The following DMD variants were observed in gnomAD, a reference collection of about 807,000 sequenced individuals.
The protein encoded by DMD is mutant dystrophin.
DMD carries 63 observed loss-of-function variants against 330.1 expected under a neutral mutation model. The observed-to-expected ratio is 0.19, with a 90% confidence interval of 0.16 to 0.24. The LOEUF (loss-of-function observed/expected upper bound fraction) is 0.24, where lower values mean the gene tolerates loss of function less well. Ranked by LOEUF, DMD falls within the 10% of genes least tolerant of loss-of-function variation. The pLI, the probability that DMD is intolerant of heterozygous loss-of-function variation, is 1.00. For missense variants in DMD, 3,344 were observed against 2,684.1 expected, an observed-to-expected ratio of 1.25 and a Z score of -5.43; for synonymous variants, 1,223 against 959.8, an observed-to-expected ratio of 1.27 and a Z score of -5.07.
chrX:33,283,698 T>A (rs1211412958), intron 1 of DMD, among the ~76,000 whole-genome samples: 1 of 110,639 alleles, frequency 9.0e-6, no homozygotes, highest in East Asian at 2.9e-4. Flanking sequence ...AATATGTAGA[T>A]TGTATTTTAT....
chrX:31,889,309 A>G (rs957217262), intron 47 of DMD, among the ~76,000 whole-genome samples: 2 of 111,287 alleles, frequency 1.8e-5, no homozygotes, highest in African/African-American at 6.5e-5. Context: ...ATGGTCAAAG[A>G]ATACTTAATA....
chrX:32,328,483 A>C (rs2097662727), intron 41 of DMD, among the ~76,000 whole-genome samples: 1 of 111,504 alleles, frequency 9.0e-6, no homozygotes, highest in African/African-American at 3.3e-5. Flanking sequence ...ATGTTATTCC[A>C]GTGGATAACT....
intron 1 of DMD, among the ~76,000 whole-genome samples, chrX:33,207,254 G>A (rs764803887): frequency 9.0e-6 from 1 of 111,342 alleles, no homozygotes; most frequent in South Asian, 3.8e-4. Context: ...AAACAGAAAG[G>A]CTATGCCCTG....
At chrX:32,391,740 A>C (rs1199569827) in intron 30 of DMD, among the ~76,000 whole-genome samples, 1 of 111,825 alleles carries the variant, frequency 8.9e-6, no homozygotes, top group East Asian at 2.8e-4. Context: ...AACATCACAG[A>C]ATCTATAAAA....
In DMD at chrX:32,313,099, G is replaced by A. The variant is rs775619385; in HGVS notation, c.5923-2823C>T. ...CCTAACTCTTTTTATGAGGCCAGCAGCATCCTGATACCAAAACCTGGCAAA... is the reference window on the plus strand; with the variant it reads ...CCTAACTCTTTTTATGAGGCCAGCAACATCCTGATACCAAAACCTGGCAAA... On this transcript the variant is annotated intron_variant, in intron 41 of 78. Transcript: ENST00000357033. 3.7e-5 allele frequency among the ~76,000 whole-genome samples: 4 copies of A among 108,817 alleles called. No homozygotes were observed. In the South Asian group the frequency reaches 1.2e-3, roughly 34 times the overall value. 94.5% of individuals were successfully genotyped at this position (108,817 alleles called of 115,157 possible). A position where few individuals can be genotyped will look rare whatever the true frequency, so the allele number is the denominator to read the frequency against.
intron 34 of DMD, among the ~76,000 whole-genome samples, chrX:32,366,993 A>T (rs1405997012): frequency 8.9e-6 from 1 of 112,184 alleles, no homozygotes; most frequent in Non-Finnish European, 1.9e-5. Context: ...TTAGCAATTC[A>T]TAAAAGCAAT....
At chrX:31,717,470 C>G (rs940659244) in intron 52 of DMD, among the ~76,000 whole-genome samples, 1 of 112,139 alleles carries the variant, frequency 8.9e-6, no homozygotes, top group African/African-American at 3.2e-5. Context: ...AAACTCTGAG[C>G]AATTTACAAA....
At chrX:32,517,858 T>C (rs2046009025) in intron 18 of DMD, 150 bp downstream of exon 18, 3 of 648,717 alleles carry the variant, frequency 4.6e-6, no homozygotes, top group Non-Finnish European at 7.2e-6. Context: ...TTGATTTTGC[T>C]TGCTATCTAA....
At chrX:31,990,707 G>A (rs1359432826) in intron 44 of DMD, among the ~76,000 whole-genome samples, 1 of 111,827 alleles carries the variant, frequency 8.9e-6, no homozygotes, top group Non-Finnish European at 1.9e-5. Flanking sequence ...TTAAATATAC[G>A]AAAACATTAA....
Position 33,240,872 on chromosome X carries a change from C to CTG in DMD, c.7+98385_7+98386dup, listed in dbSNP as rs780230696. 2.8e-4 allele frequency among the ~76,000 whole-genome samples: 31 copies of CTG among 111,854 alleles called. No homozygotes were observed. The East Asian group carries it at 7.3e-3, about 27-fold the overall frequency. On this transcript the variant is annotated intron_variant, in intron 1 of 17. Coordinates refer to the DMD transcript ENST00000288447. ...GTGAATGTCTTCTCTTGAGAAATGCCTGCTCAGATCTTTTGCTCATTTTTA... is the reference window on the plus strand; with the variant it reads ...GTGAATGTCTTCTCTTGAGAAATGCCTGTGCTCAGATCTTTTGCTCATTTTTA...
chrX:31,784,996 C>T (rs756733086), intron 50 of DMD, among the ~76,000 whole-genome samples: 22 of 111,630 alleles, frequency 2.0e-4, no homozygotes, highest in South Asian at 3.7e-4. Context: ...ATATTAACTG[C>T]GGCATAATTC....
At chrX:31,448,011 C>CAAAAAAAA (rs1198070119) in intron 59 of DMD, among the ~76,000 whole-genome samples, 27 of 35,111 alleles carry the variant, frequency 7.7e-4, no homozygotes, top group Middle Eastern at 0.016. Flanking sequence ...ACTCTGTCTC[C>CAAAAAAAA]AAAAAAAAAA....
At chrX:31,128,612 C>T (rs757813203) in intron 77 of DMD, among the ~76,000 whole-genome samples, 98 of 112,085 alleles carry the variant, frequency 8.7e-4, no homozygotes, top group Non-Finnish European at 1.7e-3. Flanking sequence ...TTTAGTAATT[C>T]TACACTAAGC....
intron 44 of DMD, among the ~76,000 whole-genome samples, chrX:32,147,224 T>C (rs1243967773): frequency 2.7e-5 from 3 of 111,539 alleles, no homozygotes; most frequent in African/African-American, 9.8e-5. Context: ...TGTATTATTT[T>C]GCAAGTGACC....
chrX:32,957,829 GA>G (rs1242754639), intron 2 of DMD, among the ~76,000 whole-genome samples: 1 of 111,681 alleles, frequency 9.0e-6, no homozygotes, highest in African/African-American at 3.2e-5. Flanking sequence ...AAATATGGCA[GA>G]CATAATGTCT....
intron 51 of DMD, among the ~76,000 whole-genome samples, chrX:31,748,081 C>T: frequency 9.0e-6 from 1 of 111,485 alleles, no homozygotes; most frequent in Non-Finnish European, 1.9e-5. Context: ...TTCCAATATC[C>T]AGTATCTCAA....
chrX:32,543,643 C>A, intron 17 of DMD, among the ~76,000 whole-genome samples: 1 of 112,059 alleles, frequency 8.9e-6, no homozygotes, highest in South Asian at 3.7e-4. Context: ...TCATCAAAAG[C>A]TTCACGGATT....
intron 55 of DMD, among the ~76,000 whole-genome samples, chrX:31,622,167 C>CAT (rs1169256627): frequency 9.0e-6 from 1 of 111,533 alleles, no homozygotes; most frequent in African/African-American, 3.3e-5. Context: ...TCTCATAATG[C>CAT]TATTATAATT....
intron 12 of DMD, among the ~76,000 whole-genome samples, chrX:32,602,324 TAC>T (rs201345498): frequency 0.06 from 6,685 of 111,397 alleles, 202 homozygotes; most frequent in Middle Eastern, 0.097. Flanking sequence ...CACCCACCCA[TAC>T]ATTCTGCATA....
Sources: gnomAD v4.1 joint callset for allele counts (sites outside exome capture counted in the v4.1 genomes callset) on GRCh38, gnomAD v4.1.1 for gene constraint, MANE v1.5 for transcripts, NCBI Gene and HGNC (gene_info 2026-07-23, HGNC 2026-07-21) for gene names.